SORCS3: variants seen among roughly 807,000 people sequenced by gnomAD.
The protein encoded by SORCS3 is sortilin related VPS10 domain containing receptor 3.
A neutral mutation model predicts 146.3 loss-of-function variants in SORCS3; 57 were observed. The ratio of observed to expected loss-of-function variants is 0.39; its 90% CI spans 0.31 to 0.49. The LOEUF (loss-of-function observed/expected upper bound fraction) is 0.49, where lower values mean the gene tolerates loss of function less well. Among genes scored for constraint, SORCS3 ranks in the 20% least tolerant of loss-of-function variants. The pLI is 0.92. For missense variants in SORCS3, 1,341 were observed against 1,575.5 expected, an observed-to-expected ratio of 0.85 and a Z score of 2.52; for synonymous variants, 653 against 618.5, an observed-to-expected ratio of 1.06 and a Z score of -0.83.
In SORCS3 at chr10:105,072,228, G is replaced by T. The variant is rs1403346271; in HGVS notation, c.1029-17547G>T. On this transcript the variant is annotated intron_variant, in intron 5 of 26. Transcript: ENST00000369701. Reference sequence around the variant, plus strand: ...CTGTGGGCTCTAATTAGAAGCTAAGGAGTTAGCTGACTCTGGGCTCTGAGC... The same window carrying T: ...CTGTGGGCTCTAATTAGAAGCTAAGTAGTTAGCTGACTCTGGGCTCTGAGC... Among the ~76,000 whole-genome samples the T allele has an allele frequency of 2.6e-5, 4 of 152,238 alleles. No homozygotes were observed. The East Asian group carries it at 7.7e-4, about 29-fold the overall frequency.
intron 1 of SORCS3, among the ~76,000 whole-genome samples, chr10:104,696,086 C>CAT (rs1554844296): frequency 2.9e-4 from 5 of 17,488 alleles, no homozygotes; most frequent in Admixed American, 8.2e-4. Flanking sequence ...ATCATATACA[C>CAT]ATATATAATA....
intron 3 of SORCS3, among the ~76,000 whole-genome samples, chr10:104,969,367 G>C (rs1489417061): frequency 6.6e-5 from 10 of 151,700 alleles, no homozygotes; most frequent in African/African-American, 2.2e-4. Flanking sequence ...AGCATGGAAG[G>C]TGTGGGTTTT....
At chr10:104,706,945 T>C (rs2016344434) in intron 1 of SORCS3, among the ~76,000 whole-genome samples, 1 of 152,186 alleles carries the variant, frequency 6.6e-6, no homozygotes, top group African/African-American at 2.4e-5. Flanking sequence ...TCTTGCAATC[T>C]AGGGACTGTG....
intron 3 of SORCS3, among the ~76,000 whole-genome samples, chr10:104,968,823 C>T (rs756725780): frequency 2.0e-5 from 3 of 152,194 alleles, no homozygotes; most frequent in Non-Finnish European, 4.4e-5. Flanking sequence ...ATGTCTCATC[C>T]ATAAATTCAG....
chr10:105,033,704 T>C (rs535763554), intron 4 of SORCS3, among the ~76,000 whole-genome samples: 5 of 152,162 alleles, frequency 3.3e-5, no homozygotes, highest in Non-Finnish European at 7.3e-5. Context: ...TGTCATTAAA[T>C]ATCAAAAAAG....
At chr10:104,672,129 C>T (rs537345464) in intron 1 of SORCS3, among the ~76,000 whole-genome samples, 7 of 152,172 alleles carry the variant, frequency 4.6e-5, no homozygotes, top group African/African-American at 9.6e-5. Context: ...GGAAGATTTT[C>T]GGCTACTTAA....
rs758209198 is a variant in SORCS3 at position 105,167,306 on chromosome 10, C to T, written c.1858C>T (p.Leu620Phe). The T allele has an allele frequency of 6.2e-7, 1 of 1,613,324 alleles. No homozygotes were observed. Among genetic ancestry groups the T allele is most frequent in the Non-Finnish European group, 8.5e-7 (1 of 1,179,562 alleles). ...CTGGTTCCTAGACTGGGGTGGTGCC[C>T]TCGTGGCCATGAAACACACACCTCT... Reference protein sequence around the residue: ...NVWFLDWGGALVAMKHTPLPV... With the variant: ...NVWFLDWGGAFVAMKHTPLPV... The change falls in exon 13 of 27, where the codon CTC (leucine) becomes TTC (phenylalanine). Residue 620 changes from leucine to phenylalanine, a missense_variant. Leu to Phe is a conservative substitution (Grantham distance 22, BLOSUM62 0). Coordinates refer to ENST00000369701, the MANE Select transcript of SORCS3 (RefSeq NM_014978.3).
At chr10:105,204,961 G>A (rs189241786) in intron 16 of SORCS3, among the ~76,000 whole-genome samples, 10 of 152,262 alleles carry the variant, frequency 6.6e-5, no homozygotes, top group South Asian at 2.1e-4. Flanking sequence ...AGCATATGGC[G>A]TATAGCCTTG....
chr10:104,777,256 A>T (rs2017320844), intron 1 of SORCS3, among the ~76,000 whole-genome samples: 1 of 152,222 alleles, frequency 6.6e-6, no homozygotes, highest in African/African-American at 2.4e-5. Context: ...CAGACAAGGG[A>T]AATTCAGACC....
intron 1 of SORCS3, among the ~76,000 whole-genome samples, chr10:104,719,914 C>T (rs1484556055): frequency 6.6e-6 from 1 of 151,554 alleles, no homozygotes; most frequent in African/African-American, 2.4e-5. Flanking sequence ...AAGATTTCCC[C>T]ACTTTGTGTG....
rs370040966 is a variant in SORCS3 at position 105,190,869 on chromosome 10, T to C, written c.2010-9130T>C. 3.3e-4 allele frequency among the ~76,000 whole-genome samples: 50 copies of C among 152,326 alleles called. No homozygotes were observed. In the East Asian group the frequency reaches 7.7e-3, roughly 23 times the overall value. The stretch of plus-strand genomic sequence containing the variant: ...AGTAAATAATCATAATATATAACCA[T>C]ACTAATAATTGTTTAAAATTATTAA... On this transcript the variant is annotated intron_variant, in intron 14 of 26. Transcript: ENST00000369701.
rs768391322 is a variant in SORCS3 at position 105,247,351 on chromosome 10, T to G, written c.3105+20T>G. 36 of 1,405,076 alleles carry G rather than the reference T, an allele frequency of 2.6e-5. No homozygotes were observed. The highest frequency in any genetic ancestry group is 3.6e-4 in the Middle Eastern group (2 of 5,602). 87.0% of individuals were successfully genotyped at this position (1,405,076 alleles called of 1,614,324 possible). A position where few individuals can be genotyped will look rare whatever the true frequency, so the allele number is the denominator to read the frequency against. On this transcript the variant is annotated intron_variant, in intron 22 of 26. Transcript: ENST00000369701. ...GTTAAAGTAAGTTGGCTTTGTCTTTTTTTAAGTTCTTGTGAATAAAGAAAA... is the reference window on the plus strand; with the variant it reads ...GTTAAAGTAAGTTGGCTTTGTCTTTGTTTAAGTTCTTGTGAATAAAGAAAA...
chr10:105,099,723 C>T (rs139042427), intron 6 of SORCS3, among the ~76,000 whole-genome samples: 150 of 152,284 alleles, frequency 9.9e-4, no homozygotes, highest in African/African-American at 3.5e-3. Flanking sequence ...GGCTGCCTGC[C>T]TGAGTCCTGT....
chr10:105,029,051 A>G (rs1038458096), intron 4 of SORCS3, among the ~76,000 whole-genome samples: 10 of 152,212 alleles, frequency 6.6e-5, no homozygotes, highest in Admixed American at 1.3e-4. Flanking sequence ...CGGGTGGGTC[A>G]TAGTTGGCCA....
chr10:104,641,948 C>G lies in SORCS3; in HGVS notation c.621C>G (p.Asn207Lys). The change falls in exon 1 of 27, where the codon AAC becomes AAG. Residue 207 changes from asparagine to lysine, a missense_variant. By Grantham distance (94) the Asn-to-Lys change is moderately conservative (BLOSUM62 0). Transcript: ENST00000369701. This position sits in a 1 kb window ranked among gnomAD's most constrained non-coding sequence, Gnocchi z 6.4. ...CCATGGTGCACTGGTCGGGACACAA[C>G]AGCAGCGTGAGTACCCACCCGGCGG... is the stretch of plus-strand genomic sequence containing the variant. ...NQAMVHWSGH[N>K]SSVILILTKL... The G allele has an allele frequency of 6.4e-7, 1 of 1,561,136 alleles. No individual in the cohort carries two copies. Among genetic ancestry groups the G allele is most frequent in the Non-Finnish European group, 8.6e-7 (1 of 1,160,802 alleles).
At chr10:105,122,253 A>G (rs2055938909) in intron 7 of SORCS3, among the ~76,000 whole-genome samples, 1 of 152,224 alleles carries the variant, frequency 6.6e-6, no homozygotes, top group South Asian at 2.1e-4. Flanking sequence ...GCTTTAAAAA[A>G]TTTTAATCAC....
chr10:104,855,292 T>G (rs1400495889), intron 2 of SORCS3, among the ~76,000 whole-genome samples: 1 of 152,218 alleles, frequency 6.6e-6, no homozygotes, highest in Non-Finnish European at 1.5e-5. Context: ...TTGTTTTAGC[T>G]GTTCTAGGGC....
In SORCS3 at chr10:104,957,554, A is replaced by AACAC. The variant is rs10660859; in HGVS notation, c.796-19758_796-19755dup. On this transcript the variant is annotated intron_variant, in intron 3 of 26. Coordinates refer to ENST00000369701, the MANE Select transcript of SORCS3 (RefSeq NM_014978.3). ...CTTTCTTTCTGCAATAAGGAAAGAA[A>AACAC]ACACACACACACACACACACACACA... Among the ~76,000 whole-genome samples, 489 of 148,464 alleles carry AACAC rather than the reference A, an allele frequency of 3.3e-3. 4 individuals carry two copies. The highest frequency in any genetic ancestry group is 0.023 in the East Asian group (115 of 5,074).
At chr10:104,879,973 A>G (rs1209535938) in intron 2 of SORCS3, among the ~76,000 whole-genome samples, 1 of 152,148 alleles carries the variant, frequency 6.6e-6, no homozygotes. Flanking sequence ...GGAGGTGTTA[A>G]GCCTTGGAGC....
Sources: allele counts gnomAD v4.1 joint callset (sites outside exome capture counted in the v4.1 genomes callset), GRCh38; gene constraint gnomAD v4.1.1; non-coding constraint Gnocchi (gnomAD v3.1); transcripts MANE v1.5; gene names NCBI Gene and HGNC (gene_info 2026-07-23, HGNC 2026-07-21).